The following GPR155 variants were observed in gnomAD, a reference collection of about 807,000 sequenced individuals.
The protein encoded by GPR155 is lysosomal cholesterol signaling protein.
A neutral mutation model predicts 93.1 loss-of-function variants in GPR155; 65 were observed. The observed-to-expected ratio is 0.70, with a 90% CI of 0.57 to 0.86. The LOEUF is 0.86. Among genes scored for constraint, GPR155 ranks in the 40% least tolerant of loss-of-function variants. GPR155 has a pLI of 0.00. For synonymous variants in GPR155, 319 were observed against 360.1 expected (o/e 0.89, Z 1.29); for missense variants, 838 against 1,034.8 (o/e 0.81, Z 2.61).
chr2:174,482,016 T>A, intron 1 of GPR155, 29 bp from the exon 2 acceptor site: 1 of 1,149,618 alleles, frequency 8.7e-7, no homozygotes. Context: ...AGATTCAGTA[T>A]GGCCATCAAC....
chr2:174,462,486 T>A (rs568350151), intron 7 of GPR155, among the ~76,000 whole-genome samples: 45 of 152,280 alleles, frequency 3.0e-4, no homozygotes, highest in African/African-American at 9.6e-4. Flanking sequence ...AATTTTGTAT[T>A]TTTAGTAGAG....
chr2:174,463,464 G>GT (rs1392008042), intron 7 of GPR155, among the ~76,000 whole-genome samples: 1 of 152,204 alleles, frequency 6.6e-6, no homozygotes, highest in African/African-American at 2.4e-5. Flanking sequence ...ATCTCCCAAA[G>GT]TGTTGGGATT....
intron 4 of GPR155, 36 bp from the exon 5 acceptor site, chr2:174,469,103 T>G: frequency 6.3e-7 from 1 of 1,586,808 alleles, no homozygotes; most frequent in Non-Finnish European, 8.6e-7. Context: ...AGTTACAATC[T>G]CAATTAAACA....
intron 10 of GPR155, among the ~76,000 whole-genome samples, chr2:174,458,153 A>G (rs1271526473): frequency 6.6e-6 from 1 of 152,232 alleles, no homozygotes; most frequent in Non-Finnish European, 1.5e-5. Flanking sequence ...AGATGAAATC[A>G]TCAGAATAAG....
intron 1 of GPR155, among the ~76,000 whole-genome samples, chr2:174,484,133 T>G (rs1688407839): frequency 6.6e-6 from 1 of 152,212 alleles, no homozygotes; most frequent in Non-Finnish European, 1.5e-5. Context: ...AAACCTTATA[T>G]TTAATCTGGA....
intron 10 of GPR155, among the ~76,000 whole-genome samples, chr2:174,458,363 G>A (rs963371351): frequency 6.6e-6 from 1 of 151,996 alleles, no homozygotes; most frequent in Non-Finnish European, 1.5e-5. Flanking sequence ...ATGAATCCTT[G>A]GTGTCTCATG....
chr2:174,471,248 C>T (rs1687988507), intron 3 of GPR155, among the ~76,000 whole-genome samples: 5 of 151,614 alleles, frequency 3.3e-5, no homozygotes, highest in East Asian at 1.9e-4. Flanking sequence ...AAAAATTAGC[C>T]GGGCATGATG....
chr2:174,468,897 A>T lies in GPR155; in HGVS notation c.1182+15T>A, dbSNP rs772374389. ...TTCTGTGGTTTCCATTCATTTTGGG[A>T]TGCAACGTACTTACCAAGGAGATCA... On this transcript the variant is annotated intron_variant, in intron 5 of 15. Transcript: ENST00000392552. 3.7e-6 allele frequency: 6 copies of T among 1,603,374 alleles called. No homozygotes were observed. The highest frequency in any genetic ancestry group is 5.1e-6 in the Non-Finnish European group (6 of 1,171,392).
At chr2:174,436,829 A>G (rs977251288) in intron 15 of GPR155, among the ~76,000 whole-genome samples, 3 of 152,222 alleles carry the variant, frequency 2.0e-5, no homozygotes, top group African/African-American at 7.2e-5. Context: ...ACGAGCTCTT[A>G]AGAAGTGATT....
Position 174,481,934 on chromosome 2 carries a change from T to C in GPR155, c.23A>G (p.Glu8Gly), listed in dbSNP as rs756024507. Residue 8 changes from glutamate to glycine, a missense_variant, in exon 2 of 16, where the codon GAG becomes GGG. Transcript: ENST00000392552. MNSNLPA[E>G]NLTIAVNMTK... ...CATATTGACTGCAATGGTTAAGTTC[T>C]CTGCAGGTAAATTAGAATTCATTTT... is the stretch of plus-strand genomic sequence containing the variant. 6.2e-7 allele frequency: 1 copy of C among 1,610,132 alleles called. No individual in the cohort carries two copies. Among genetic ancestry groups the C allele is most frequent in the South Asian group, 1.1e-5 (1 of 90,960 alleles).
At position 174,466,562 on chromosome 2, in the gene GPR155, A is replaced by C; in HGVS notation, c.1248T>G (p.Thr416=). 6.4e-7 allele frequency: 1 copy of C among 1,552,622 alleles called. No individual in the cohort carries two copies. Among genetic ancestry groups the C allele is most frequent in the African/African-American group, 1.4e-5 (1 of 73,572 alleles). The change falls in exon 6 of 16, where the codon ACT becomes ACG. Residue 416 remains threonine, a synonymous_variant. Coordinates refer to ENST00000392552, the MANE Select transcript of GPR155 (RefSeq NM_152529.7). ...KYKQLPHMLT[T]NLLIAQSIVC... ...TACTAACCTGAGCAATGAGTAAATT[A>C]GTTGTAAGCATATGAGGAAGCTGTT...
At position 174,481,646 on chromosome 2, in the gene GPR155, T is replaced by C. The variant is rs758079455; in HGVS notation, c.311A>G (p.Tyr104Cys). The C allele has an allele frequency of 1.2e-6, 2 of 1,613,892 alleles. No individual in the cohort carries two copies. Among genetic ancestry groups the C allele is most frequent in the Admixed American group, 1.7e-5 (1 of 60,024 alleles). ...AGAAGCTTTGGCAATTAAGATACTA[T>C]ATAGGAAGGACCAGTCCACATTGGA... is the stretch of plus-strand genomic sequence containing the variant. ...NFSNVDWSFL[Y>C]SILIAKASVF... The change falls in exon 2 of 16, where the codon TAT (tyrosine) becomes TGT (cysteine). Residue 104 changes from tyrosine (Y) to cysteine (C), a missense_variant. Tyr to Cys is a radical substitution (Grantham distance 194, BLOSUM62 -2). This residue lies in a region of GPR155 where 663 missense variants were observed against 790.1 expected (regional missense o/e 0.84). Coordinates refer to ENST00000392552, the MANE Select transcript of GPR155 (RefSeq NM_152529.7).
intron 9 of GPR155, 151 bp from the exon 10 acceptor site, chr2:174,460,239 C>T (rs1335862534): frequency 1.8e-6 from 1 of 553,182 alleles, no homozygotes; most frequent in Non-Finnish European, 3.1e-6. Context: ...CGGCTCACTG[C>T]AACCTCTTCC....
intron 15 of GPR155, 96 bp from the exon 16 acceptor site, chr2:174,436,512 A>G: frequency 8.6e-7 from 1 of 1,167,230 alleles, no homozygotes; most frequent in Non-Finnish European, 1.2e-6. Context: ...GGAAACAAGG[A>G]AAGACAGCAT....
intron 5 of GPR155, among the ~76,000 whole-genome samples, chr2:174,468,612 C>A (rs1250835645): frequency 6.6e-6 from 1 of 152,126 alleles, no homozygotes; most frequent in African/African-American, 2.4e-5. Flanking sequence ...TTATTTTATG[C>A]TGGAAAACAG....
At chr2:174,444,951 G>T (rs1687074877) in intron 13 of GPR155, 130 bp downstream of exon 13, 2 of 606,564 alleles carry the variant, frequency 3.3e-6, no homozygotes, top group Non-Finnish European at 5.9e-6. Flanking sequence ...CCAGCAGCTG[G>T]CAAACAAACT....
intron 12 of GPR155, 92 bp downstream of exon 12, chr2:174,446,519 G>A: frequency 1.7e-6 from 2 of 1,188,220 alleles, no homozygotes; most frequent in South Asian, 2.8e-5. Flanking sequence ...CTTCTGGAAA[G>A]CAGCAACTAA....
chr2:174,486,605 G>A (rs1285353761), intron 1 of GPR155, among the ~76,000 whole-genome samples: 1 of 152,216 alleles, frequency 6.6e-6, no homozygotes, highest in East Asian at 1.9e-4. Flanking sequence ...GCAGTGAGGA[G>A]CTTCCCAAAC....
intron 10 of GPR155, among the ~76,000 whole-genome samples, chr2:174,455,158 C>T (rs548627781): frequency 1.3e-5 from 2 of 152,142 alleles, no homozygotes; most frequent in South Asian, 4.1e-4. Flanking sequence ...GCCTGGGCAA[C>T]AGAGCGAGAC....
Sources: allele counts gnomAD v4.1 joint callset (sites outside exome capture counted in the v4.1 genomes callset), GRCh38; gene constraint gnomAD v4.1.1; regional missense constraint gnomAD v4.1.1; transcripts MANE v1.5; gene names NCBI Gene and HGNC (gene_info 2026-07-23, HGNC 2026-07-21).